The following GALNT18 variants were observed in gnomAD, a reference collection of about 807,000 sequenced individuals.
GALNT18 encodes the protein GalNAc-transferase 18.
A neutral mutation model predicts 69.5 loss-of-function variants in GALNT18; 44 were observed. The observed-to-expected ratio is 0.63, with a 90% CI of 0.50 to 0.81. The LOEUF (loss-of-function observed/expected upper bound fraction) is 0.81. Among genes scored for constraint, GALNT18 ranks in the 40% least tolerant of loss-of-function variants. GALNT18 has a pLI of 0.00. For synonymous variants in GALNT18, 364 were observed against 318.2 expected (o/e 1.14, Z -1.53); for missense variants, 715 against 810.0 (o/e 0.88, Z 1.42).
intron 9 of GALNT18, among the ~76,000 whole-genome samples, chr11:11,308,838 T>C (rs1234232685): frequency 6.6e-6 from 1 of 152,202 alleles, no homozygotes; most frequent in African/African-American, 2.4e-5. Flanking sequence ...CTGGGCAGCA[T>C]TCACGTTGCA....
chr11:11,319,216 C>A (rs969018203), intron 9 of GALNT18, among the ~76,000 whole-genome samples: 1 of 106,088 alleles, frequency 9.4e-6, no homozygotes, highest in Non-Finnish European at 2.1e-5. Flanking sequence ...CCTTCTTGCC[C>A]TTCTTACACC....
Position 11,463,777 on chromosome 11 carries a change from A to T in GALNT18, c.236-14841T>A, listed in dbSNP as rs1323643479. 6.6e-6 allele frequency among the ~76,000 whole-genome samples: 1 copy of T among 152,202 alleles called. No individual in the cohort carries two copies. The highest frequency in any genetic ancestry group is 6.5e-5 in the Admixed American group (1 of 15,284). ...AGGAAATAGGCCATTTTCAAACAAA[A>T]TCCATTTCTTGAGCATGACGGTAAA... is the stretch of plus-strand genomic sequence containing the variant. On this transcript the variant is annotated intron_variant, in intron 1 of 10. Transcript: ENST00000227756. This position sits in a 1 kb window ranked among gnomAD's most constrained non-coding sequence, Gnocchi z 4.2.
chr11:11,307,474 T>A (rs1047800413), intron 9 of GALNT18, among the ~76,000 whole-genome samples: 1 of 152,068 alleles, frequency 6.6e-6, no homozygotes, highest in Non-Finnish European at 1.5e-5. Flanking sequence ...GAAAAAAGAA[T>A]GAAAGAGAGG....
intron 10 of GALNT18, among the ~76,000 whole-genome samples, chr11:11,283,031 G>GA (rs1454280530): frequency 1.3e-5 from 2 of 152,178 alleles, no homozygotes; most frequent in Non-Finnish European, 2.9e-5. Flanking sequence ...GCAAGGAGGG[G>GA]AGGAGGTGGC....
In GALNT18 at chr11:11,606,754, T is replaced by C. The variant is rs1403189105; in HGVS notation, c.235+14605A>G. On this transcript the variant is annotated intron_variant, in intron 1 of 10. Transcript: ENST00000227756. This position sits in a 1 kb window ranked among gnomAD's most constrained non-coding sequence, Gnocchi z 5.4. ...CCTGGTGCACACGTTTCTCCTGAAG[T>C]TGAGGGAAGTAACTGGATGTAGAGG... Among the ~76,000 whole-genome samples the C allele has an allele frequency of 6.6e-6, 1 of 152,084 alleles. No homozygotes were observed. Among genetic ancestry groups the C allele is most frequent in the African/African-American group, 2.4e-5 (1 of 41,414 alleles).
rs1024216265 is a variant in GALNT18, at chr11:11,480,024, C to G, written c.236-31088G>C. Among the ~76,000 whole-genome samples the G allele has an allele frequency of 6.6e-6, 1 of 152,116 alleles. No individual in the cohort carries two copies. Among genetic ancestry groups the G allele is most frequent in the Non-Finnish European group, 1.5e-5 (1 of 68,024 alleles). On this transcript the variant is annotated intron_variant, in intron 1 of 10. Transcript: ENST00000227756. This position sits in a 1 kb window ranked among gnomAD's most constrained non-coding sequence, Gnocchi z 4.6. ...TGCTACCCCAAGCCCCACCAGGAGG[C>G]TAGAGAAGAGAGATGGGAGAGTTTG...
At position 11,340,822 on chromosome 11, in the gene GALNT18, C is replaced by T; in HGVS notation, c.1275G>A (p.Gln425=). 1 of 1,607,430 alleles carries T rather than the reference C, an allele frequency of 6.2e-7. No homozygotes were observed. Among genetic ancestry groups the T allele is most frequent in the Non-Finnish European group, 8.5e-7 (1 of 1,176,584 alleles). ...SHVYMAWNIP[Q]EDSGIDIGDI... ...CATCCCTACCGGAGATCCCTACCTC[C>T]TGCGGTATGTTCCATGCCATGTAGA... Residue 425 remains glutamine, a synonymous_variant, in exon 7 of 11, where the codon CAG becomes CAA. Coordinates refer to ENST00000227756, the MANE Select transcript of GALNT18 (RefSeq NM_198516.3). The surrounding 1 kb of genome is among the most constrained non-coding windows in gnomAD (Gnocchi z 4.2).
In GALNT18 at chr11:11,507,971, C is replaced by A. The variant is rs116992886; in HGVS notation, c.236-59035G>T. Reference sequence around the variant, plus strand: ...TCTACCTTCGACCACAGACTGAAGGCTGCACTGTTAGCTTCTCTACTTTTG... The same window carrying A: ...TCTACCTTCGACCACAGACTGAAGGATGCACTGTTAGCTTCTCTACTTTTG... On this transcript the variant is annotated intron_variant, in intron 1 of 10. Transcript: ENST00000227756. 1.2e-3 allele frequency among the ~76,000 whole-genome samples: 189 copies of A among 152,338 alleles called. 2 individuals carry two copies. Among genetic ancestry groups the A allele is most frequent in the Non-Finnish European group, 1.7e-3 (116 of 68,026 alleles).
intron 6 of GALNT18, among the ~76,000 whole-genome samples, chr11:11,360,891 A>G (rs1471232287): frequency 6.6e-6 from 1 of 152,254 alleles, no homozygotes; most frequent in Non-Finnish European, 1.5e-5. Flanking sequence ...ATTTCTAAAA[A>G]AATACCACAT....
At chr11:11,532,886 A>G (rs1156716500) in intron 1 of GALNT18, among the ~76,000 whole-genome samples, 1 of 152,260 alleles carries the variant, frequency 6.6e-6, no homozygotes, top group Non-Finnish European at 1.5e-5. Context: ...CAGACAGTCT[A>G]TGCTGCTGAT....
Position 11,289,707 on chromosome 11 carries a change from G to A in GALNT18, c.1677+3322C>T, listed in dbSNP as rs776066196. Among the ~76,000 whole-genome samples, 8 of 152,336 alleles carry A rather than the reference G, an allele frequency of 5.3e-5. No homozygotes were observed. In the South Asian group the frequency reaches 8.3e-4, roughly 16 times the overall value. On this transcript the variant is annotated intron_variant, in intron 10 of 10. Coordinates refer to ENST00000227756, the MANE Select transcript of GALNT18 (RefSeq NM_198516.3). ...GTTACTCCAGTGGGGACCTCAGAGCGTGGGTGGGAAGGATTCTGTGAGGGC... is the reference window on the plus strand; with the variant it reads ...GTTACTCCAGTGGGGACCTCAGAGCATGGGTGGGAAGGATTCTGTGAGGGC...
intron 5 of GALNT18, among the ~76,000 whole-genome samples, chr11:11,373,940 T>G (rs1448893203): frequency 6.6e-6 from 1 of 152,186 alleles, no homozygotes; most frequent in Non-Finnish European, 1.5e-5. Context: ...GTCCATCACA[T>G]GCAAATGAAC....
Position 11,583,932 on chromosome 11 carries a change from C to T in GALNT18, c.235+37427G>A, listed in dbSNP as rs1416172683. On this transcript the variant is annotated intron_variant, in intron 1 of 10. Transcript: ENST00000227756. The surrounding 1 kb of genome is among the most constrained non-coding windows in gnomAD (Gnocchi z 4.7). ...TGAATTATGGTCTTAGACAAGTCAA[C>T]GGCTCCCCACAAGATGAAAGCACAA... Among the ~76,000 whole-genome samples, 42 of 151,990 alleles carry T rather than the reference C, an allele frequency of 2.8e-4. No homozygotes were observed. Among genetic ancestry groups the T allele is most frequent in the Admixed American group, 2.8e-3 (42 of 15,268 alleles).
chr11:11,288,814 G>C (rs566755850), intron 10 of GALNT18, among the ~76,000 whole-genome samples: 2 of 152,214 alleles, frequency 1.3e-5, no homozygotes, highest in Admixed American at 6.5e-5. Flanking sequence ...GAAAATCAGG[G>C]TATGAGATGG....
rs1313175434 is a variant in GALNT18 at position 11,463,909 on chromosome 11, G to C, written c.236-14973C>G. On this transcript the variant is annotated intron_variant, in intron 1 of 10. Transcript: ENST00000227756. The surrounding 1 kb of genome is among the most constrained non-coding windows in gnomAD (Gnocchi z 4.2). ...TGTGTGCAAAAACCGTCATGCTCAT[G>C]ATTTTGAAAGGGGGAAAAATTAGTC... 6.6e-6 allele frequency among the ~76,000 whole-genome samples: 1 copy of C among 152,178 alleles called. No homozygotes were observed. Among genetic ancestry groups the C allele is most frequent in the African/African-American group, 2.4e-5 (1 of 41,444 alleles).
chr11:11,304,075 C>G (rs1849538946), intron 9 of GALNT18, among the ~76,000 whole-genome samples: 1 of 152,128 alleles, frequency 6.6e-6, no homozygotes, highest in Non-Finnish European at 1.5e-5. Context: ...TAGACTTCTC[C>G]CAGGAATTTA....
chr11:11,443,393 A>T (rs1855574881), intron 2 of GALNT18, among the ~76,000 whole-genome samples: 1 of 152,118 alleles, frequency 6.6e-6, no homozygotes, highest in Admixed American at 6.5e-5. Flanking sequence ...TCACTTACAC[A>T]CAGTAAAATG....
At chr11:11,326,062 T>TTG (rs1491019875) in intron 9 of GALNT18, among the ~76,000 whole-genome samples, 3 of 98,248 alleles carry the variant, frequency 3.1e-5, no homozygotes, top group Non-Finnish European at 2.2e-5. Flanking sequence ...TTTTTTTTTT[T>TTG]GAGACGGAAT....
rs952086108 is a variant in GALNT18, at chr11:11,505,073, A to G, written c.236-56137T>C. On this transcript the variant is annotated intron_variant, in intron 1 of 10. Transcript: ENST00000227756. The surrounding 1 kb of genome is among the most constrained non-coding windows in gnomAD (Gnocchi z 4.6). ...GTACAAAGTGCCATGGGAACATAGGAAAAGGAGCAAAGTTTAAAGAAAATG... is the reference window on the plus strand; with the variant it reads ...GTACAAAGTGCCATGGGAACATAGGGAAAGGAGCAAAGTTTAAAGAAAATG... Among the ~76,000 whole-genome samples the G allele has an allele frequency of 2.2e-4, 33 of 152,198 alleles. No homozygotes were observed. Among genetic ancestry groups the G allele is most frequent in the Non-Finnish European group, 1.5e-5 (1 of 68,030 alleles).
Sources: gnomAD v4.1 joint callset for allele counts (sites outside exome capture counted in the v4.1 genomes callset) on GRCh38, gnomAD v4.1.1 for gene constraint, Gnocchi (gnomAD v3.1) non-coding constraint, MANE v1.5 for transcripts, NCBI Gene and HGNC (gene_info 2026-07-23, HGNC 2026-07-21) for gene names.